Variants in TSPAN4 observed in about 807,000 individuals in gnomAD.
TSPAN4 encodes the protein tetraspanin-4.
A neutral mutation model predicts 31.5 loss-of-function variants in TSPAN4; 38 were observed. The observed-to-expected ratio is 1.21, with a 90% CI of 0.93 to 1.58. The LOEUF is 1.58. TSPAN4 is among the 40% of genes most tolerant of loss of function. The pLI, the probability that TSPAN4 is intolerant of heterozygous loss-of-function variation, is 0.00. For missense variants in TSPAN4, 330 were observed against 317.3 expected, an observed-to-expected ratio of 1.04 and a Z score of -0.30; for synonymous variants, 186 against 144.6, an observed-to-expected ratio of 1.29 and a Z score of -2.06.
chr11:862,779 C>A, intron 4 of TSPAN4, 38 bp downstream of exon 4: 1 of 1,562,820 alleles, frequency 6.4e-7, no homozygotes, highest in Admixed American at 1.8e-5. Context: ...CGGGTGGGAC[C>A]ACGCAGGGTG....
In TSPAN4 at chr11:864,488, CTCT is replaced by C. The variant is rs764989612; in HGVS notation, c.313_315del (p.Phe105del). On this transcript the variant is annotated inframe_deletion, in exon 5 of 9. Transcript: ENST00000397397. ...CCTGCTGGAGGCCACCATCGCCATC[CTCT>C]TCTTCGCCTACACGGACAAGGTACG... The C allele has an allele frequency of 6.2e-6, 10 of 1,612,826 alleles. No homozygotes were observed. Among genetic ancestry groups the C allele is most frequent in the Admixed American group, 1.7e-5 (1 of 60,030 alleles).
intron 3 of TSPAN4, among the ~76,000 whole-genome samples, chr11:852,394 T>C (rs1847803544): frequency 6.6e-6 from 1 of 152,208 alleles, no homozygotes; most frequent in South Asian, 2.1e-4. Context: ...AGTGCTGGGA[T>C]TACAGGCGGC....
intron 3 of TSPAN4, among the ~76,000 whole-genome samples, chr11:854,689 G>C (rs566015677): frequency 6.6e-6 from 1 of 151,918 alleles, no homozygotes; most frequent in Non-Finnish European, 1.5e-5. Flanking sequence ...TCCTGGCTGC[G>C]CTTGAGGCCT....
At chr11:852,934 G>C (rs969404365) in intron 3 of TSPAN4, among the ~76,000 whole-genome samples, 1 of 152,230 alleles carries the variant, frequency 6.6e-6, no homozygotes. Context: ...GGGCCTGTGG[G>C]GAGGGCATGG....
At chr11:862,354 C>T in intron 3 of TSPAN4, 196 bp from the exon 4 acceptor site, 1 of 566,766 alleles carries the variant, frequency 1.8e-6, no homozygotes, top group Admixed American at 3.4e-5. Context: ...GGGGTGCCAG[C>T]CCAGGGTGTC....
At chr11:856,613 T>C (rs560250560) in intron 3 of TSPAN4, among the ~76,000 whole-genome samples, 91 of 152,314 alleles carry the variant, frequency 6.0e-4, no homozygotes, top group African/African-American at 2.0e-3. Context: ...GTATTGAGCG[T>C]GTGGGGAGGG....
intron 8 of TSPAN4, 36 bp downstream of exon 8, chr11:866,037 C>A: frequency 6.2e-7 from 1 of 1,603,580 alleles, no homozygotes; most frequent in Non-Finnish European, 8.5e-7. Context: ...CCTGCCCCCA[C>A]TTTGTTAGGA....
chr11:860,857 G>A (rs1324454395), intron 3 of TSPAN4, among the ~76,000 whole-genome samples: 6 of 152,178 alleles, frequency 3.9e-5, no homozygotes, highest in African/African-American at 7.2e-5. Flanking sequence ...CCAGGGTGGG[G>A]CAGGGATCCC....
chr11:864,436 G>A lies in TSPAN4; in HGVS notation c.256-1G>A. On this transcript the variant is annotated splice_acceptor_variant, in intron 4 of 8. Transcript: ENST00000397397. LOFTEE classifies it high-confidence loss of function. ...CCTGTCTGAGCCTGCCCCCTCCACA[G>A]TTCTTCCTGCTGCTGCTGCTGGTGT... 2 of 1,612,368 alleles carry A rather than the reference G, an allele frequency of 1.2e-6. No individual in the cohort carries two copies. The highest frequency in any genetic ancestry group is 8.5e-7 in the Non-Finnish European group (1 of 1,179,934).
chr11:844,779 C>T lies in TSPAN4; in HGVS notation c.-118+1864C>T, dbSNP rs188868586. Among the ~76,000 whole-genome samples, 62 of 152,144 alleles carry T rather than the reference C, an allele frequency of 4.1e-4. No homozygotes were observed. The East Asian group carries it at 0.012, about 29-fold the overall frequency. On this transcript the variant is annotated intron_variant, in intron 1 of 8. Transcript: ENST00000397397. ...ATAGAAGGGGGCGTTGTGGAGCCTC[C>T]TGTGGTCAGGGCAGGGCACAGGGAG... is the stretch of plus-strand genomic sequence containing the variant.
At chr11:844,882 T>C (rs980324700) in intron 1 of TSPAN4, among the ~76,000 whole-genome samples, 1 of 152,098 alleles carries the variant, frequency 6.6e-6, no homozygotes. Flanking sequence ...AAACCCATGA[T>C]TGAAGTTTTA....
chr11:844,854 A>T (rs1358545053), intron 1 of TSPAN4, among the ~76,000 whole-genome samples: 3 of 152,098 alleles, frequency 2.0e-5, no homozygotes, highest in East Asian at 1.9e-4. Flanking sequence ...GGATCACTTC[A>T]GGGCAAAGGA....
chr11:866,117 G>A, intron 8 of TSPAN4, 116 bp downstream of exon 8: 1 of 1,150,748 alleles, frequency 8.7e-7, no homozygotes, highest in East Asian at 2.6e-5. Flanking sequence ...GGAGGCCGGG[G>A]CAAAAGCAGG....
At chr11:853,741 A>C (rs894878145) in intron 3 of TSPAN4, among the ~76,000 whole-genome samples, 1 of 152,188 alleles carries the variant, frequency 6.6e-6, no homozygotes, top group Non-Finnish European at 1.5e-5. Flanking sequence ...ACCTGCCTTC[A>C]GCAAATAGAG....
chr11:860,234 G>C (rs549247437), intron 3 of TSPAN4, among the ~76,000 whole-genome samples: 2 of 152,228 alleles, frequency 1.3e-5, no homozygotes, highest in African/African-American at 4.8e-5. Flanking sequence ...GCAGTGGGGG[G>C]AATCTGCTCT....
chr11:866,837 T>TTG lies in TSPAN4; in HGVS notation c.*207_*208insTG. 1.8e-6 allele frequency: 1 copy of TTG among 543,036 alleles called. No individual in the cohort carries two copies. Among genetic ancestry groups the TTG allele is most frequent in the East Asian group, 3.2e-5 (1 of 31,636 alleles). 33.6% of individuals were successfully genotyped at this position (543,036 alleles called of 1,614,324 possible). On this transcript the variant is annotated 3_prime_UTR_variant, in exon 9 of 9. Coordinates refer to ENST00000397397, the MANE Select transcript of TSPAN4 (RefSeq NM_003271.5). ...GCCTCCGGACCCCCCCTGGGAGGGGTGGCCACGTGCTGGCTGCGGAACCCA... is the reference window on the plus strand; with the variant it reads ...GCCTCCGGACCCCCCCTGGGAGGGGTTGGGCCACGTGCTGGCTGCGGAACCCA...
In TSPAN4 at chr11:852,724, C is replaced by T. The variant is rs7950652; in HGVS notation, c.63+2357C>T. Among the ~76,000 whole-genome samples, 450 of 152,370 alleles carry T rather than the reference C, an allele frequency of 3.0e-3. 3 individuals carry two copies. Among genetic ancestry groups the T allele is most frequent in the African/African-American group, 0.011 (439 of 41,594 alleles). On this transcript the variant is annotated intron_variant, in intron 3 of 8. Transcript: ENST00000397397. Reference sequence around the variant, plus strand: ...CTTTCCTTTTGGGGGTGCCAGCCCCCTGTTGTCGGGGCTTTTGCCGCCCAC... The same window carrying T: ...CTTTCCTTTTGGGGGTGCCAGCCCCTTGTTGTCGGGGCTTTTGCCGCCCAC...
At chr11:854,602 G>A (rs763808093) in intron 3 of TSPAN4, among the ~76,000 whole-genome samples, 1 of 152,248 alleles carries the variant, frequency 6.6e-6, no homozygotes, top group Non-Finnish European at 1.5e-5. Context: ...CTGGCTCTGC[G>A]CTGCCTGGGC....
chr11:845,286 G>A (rs998383498), intron 1 of TSPAN4, among the ~76,000 whole-genome samples: 14 of 152,208 alleles, frequency 9.2e-5, no homozygotes, highest in Non-Finnish European at 1.9e-4. Flanking sequence ...CCTCAGCGGT[G>A]CACACAGCCA....
Sources: allele counts gnomAD v4.1 joint callset (sites outside exome capture counted in the v4.1 genomes callset), GRCh38; gene constraint gnomAD v4.1.1; transcripts MANE v1.5; gene names NCBI Gene and HGNC (gene_info 2026-07-23, HGNC 2026-07-21).